The following SLC7A7 variants were observed in gnomAD, a reference collection of about 807,000 sequenced individuals.
SLC7A7 encodes Y+L amino acid transporter 1.
SLC7A7 carries 39 observed loss-of-function variants against 47.9 expected under a neutral mutation model. That is an observed-to-expected ratio of 0.81 (90% CI 0.63 to 1.06). The LOEUF (loss-of-function observed/expected upper bound fraction) is 1.06, where lower values mean the gene tolerates loss of function less well. Among genes scored for constraint, SLC7A7 ranks in the 50% least tolerant of loss-of-function variants. The pLI, the probability that SLC7A7 is intolerant of heterozygous loss-of-function variation, is 0.00. For synonymous variants in SLC7A7, 234 were observed against 242.8 expected (o/e 0.96, Z 0.34); for missense variants, 588 against 632.0 (o/e 0.93, Z 0.75).
At position 22,798,197 on chromosome 14, in the gene SLC7A7, T is replaced by C. The variant is rs140884473; in HGVS notation, c.499+14703A>G. Among the ~76,000 whole-genome samples the C allele has an allele frequency of 9.5e-3, 1,440 of 152,144 alleles. 14 individuals are homozygous for C. The highest frequency in any genetic ancestry group is 0.015 in the Non-Finnish European group (1,029 of 67,998). On this transcript the variant is annotated intron_variant, in intron 2 of 9. Transcript: ENST00000674313. ...CTGTAATCCCAGCTACTCGGGAGGC[T>C]GAGGCAGGAGAATCGCTTGAACCCA...
At chr14:22,773,757 C>T (rs1022467847) in intron 9 of SLC7A7, 41 bp from the exon 10 acceptor site, 1 of 1,600,028 alleles carries the variant, frequency 6.2e-7, no homozygotes, top group Non-Finnish European at 8.6e-7. Context: ...AAGAGGTCAG[C>T]TGGGCTGAGT....
chr14:22,799,750 G>A (rs1316464421), intron 2 of SLC7A7, among the ~76,000 whole-genome samples: 1 of 151,784 alleles, frequency 6.6e-6, no homozygotes, highest in Admixed American at 6.6e-5. Flanking sequence ...CCACCGCCCT[G>A]GCCTGTTCCT....
At chr14:22,777,750 G>C (rs1453712266) in intron 4 of SLC7A7, among the ~76,000 whole-genome samples, 2 of 152,182 alleles carry the variant, frequency 1.3e-5, no homozygotes, top group African/African-American at 2.4e-5. Flanking sequence ...GGAGTTTATT[G>C]GTATAAGAAT....
rs45479698 is a variant in SLC7A7, at chr14:22,813,303, C to A, written c.96G>T (p.Lys32Asn). The change falls in exon 2 of 10, where the codon AAG becomes AAT. Residue 32 changes from lysine to asparagine, a missense_variant. Lys to Asn is a moderately conservative substitution (Grantham distance 94). Transcript: ENST00000674313. Reference sequence around the variant, plus strand: ...TAAGCAGTGAGATCTCCTTCTTCAGCTTCACCTGCTCCGGCCCTGGGCTGG... The same window carrying A: ...TAAGCAGTGAGATCTCCTTCTTCAGATTCACCTGCTCCGGCCCTGGGCTGG... ...DGASPGPEQVKLKKEISLLNG... is the reference protein window; with the variant it reads ...DGASPGPEQVNLKKEISLLNG... 4 of 1,614,206 alleles carry A rather than the reference C, an allele frequency of 2.5e-6. No individual in the cohort carries two copies. The Admixed American group carries it at 6.7e-5, about 27-fold the overall frequency.
chr14:22,792,790 G>C (rs374937536), intron 2 of SLC7A7, among the ~76,000 whole-genome samples: 10 of 149,150 alleles, frequency 6.7e-5, no homozygotes, highest in African/African-American at 2.4e-4. Context: ...CCCAGGAGGC[G>C]GAGGTTGCAG....
At chr14:22,778,985 C>T in intron 3 of SLC7A7, 48 bp from the exon 4 acceptor site, 1 of 1,610,302 alleles carries the variant, frequency 6.2e-7, no homozygotes, top group Non-Finnish European at 8.5e-7. Flanking sequence ...GCTCATTCTC[C>T]CACTTCAAGA....
chr14:22,819,362 T>A (rs543397857), upstream of SLC7A7, among the ~76,000 whole-genome samples: 1 of 151,296 alleles, frequency 6.6e-6, no homozygotes, highest in Non-Finnish European at 1.5e-5. Context: ...CCCTCCCCAG[T>A]TCTCTGTTTG....
chr14:22,795,882 G>A lies in SLC7A7; in HGVS notation c.500-15831C>T, dbSNP rs191983235. On this transcript the variant is annotated intron_variant, in intron 2 of 9. Coordinates refer to ENST00000674313, the MANE Select transcript of SLC7A7 (RefSeq NM_003982.4). ...AGGCTACCTGCCCAGCTTCTTCTGA[G>A]GCAGAGAGAAAAAGAAAGGAACATA... Among the ~76,000 whole-genome samples, 366 of 152,160 alleles carry A rather than the reference G, an allele frequency of 2.4e-3. 2 individuals are homozygous for A. The highest frequency in any genetic ancestry group is 8.3e-3 in the African/African-American group (344 of 41,506).
chr14:22,793,719 G>C (rs1202128003), intron 2 of SLC7A7, among the ~76,000 whole-genome samples: 2 of 152,062 alleles, frequency 1.3e-5, no homozygotes, highest in Non-Finnish European at 2.9e-5. Flanking sequence ...GGGAGGCTGA[G>C]GCAGGAGAAT....
chr14:22,776,858 A>C (rs1467306955), intron 4 of SLC7A7, among the ~76,000 whole-genome samples: 1 of 152,140 alleles, frequency 6.6e-6, no homozygotes, highest in Non-Finnish European at 1.5e-5. Context: ...AGTCCCAGCT[A>C]CTCAGGAGGC....
intron 7 of SLC7A7, among the ~76,000 whole-genome samples, chr14:22,775,138 A>G (rs1214529149): frequency 6.6e-6 from 1 of 151,912 alleles, no homozygotes; most frequent in Non-Finnish European, 1.5e-5. Flanking sequence ...CTCTACTCCC[A>G]TGGAAGTGAT....
intron 2 of SLC7A7, among the ~76,000 whole-genome samples, chr14:22,809,553 G>C (rs992671241): frequency 6.6e-6 from 1 of 152,068 alleles, no homozygotes; most frequent in East Asian, 1.9e-4. Context: ...ATGTTGGCCA[G>C]GATGATCTTG....
intron 2 of SLC7A7, among the ~76,000 whole-genome samples, chr14:22,795,423 TTTC>T (rs1365763969): frequency 5.5e-5 from 8 of 146,096 alleles, no homozygotes; most frequent in African/African-American, 2.0e-4. Flanking sequence ...TCTTTCTTTC[TTTC>T]TTTCTTTCTT....
At chr14:22,813,939 C>A (rs2138666154) in intron 1 of SLC7A7, among the ~76,000 whole-genome samples, 1 of 151,842 alleles carries the variant, frequency 6.6e-6, no homozygotes, top group African/African-American at 2.4e-5. Flanking sequence ...TATAGGCATG[C>A]ACCACCACAC....
At chr14:22,816,285 A>T, upstream of SLC7A7, 1 of 153,790 alleles carries the variant, frequency 6.5e-6, no homozygotes, top group Non-Finnish European at 1.4e-5. Flanking sequence ...AGGTCAGGAG[A>T]TCAAGACCAT....
chr14:22,796,310 G>C (rs2039020660), intron 2 of SLC7A7, among the ~76,000 whole-genome samples: 1 of 152,150 alleles, frequency 6.6e-6, no homozygotes, highest in South Asian at 2.1e-4. Flanking sequence ...CAGACACACA[G>C]AGATCCAAAG....
upstream of SLC7A7, among the ~76,000 whole-genome samples, chr14:22,818,583 G>GTTTTTTTTTTTTTTTTTTTTTTTTT (rs565680138): frequency 7.7e-6 from 1 of 129,526 alleles, no homozygotes; most frequent in Non-Finnish European, 1.6e-5. Flanking sequence ...CAGGTTTTTG[G>GTTTTTTTTTTTTTTTTTTTTTTTTT]TTTTTTTTTT....
intron 4 of SLC7A7, among the ~76,000 whole-genome samples, chr14:22,777,143 A>AT (rs2038627122): frequency 2.8e-5 from 1 of 35,222 alleles, no homozygotes; most frequent in South Asian, 1.1e-3. Flanking sequence ...GACCCTGTCT[A>AT]AAAAAAAAAA....
intron 2 of SLC7A7, among the ~76,000 whole-genome samples, chr14:22,791,263 C>G (rs1348228160): frequency 6.6e-6 from 1 of 152,172 alleles, no homozygotes; most frequent in Non-Finnish European, 1.5e-5. Flanking sequence ...TAAACCTCCT[C>G]TATCCCTTAC....
Sources: gnomAD v4.1 joint callset for allele counts (sites outside exome capture counted in the v4.1 genomes callset) on GRCh38, gnomAD v4.1.1 for gene constraint, MANE v1.5 for transcripts, NCBI Gene and HGNC (gene_info 2026-07-23, HGNC 2026-07-21) for gene names.